The following SUGCT variants were observed in gnomAD, a reference collection of about 807,000 sequenced individuals.
SUGCT encodes succinyl-CoA:glutarate CoA-transferase.
SUGCT carries 41 observed loss-of-function variants against 55.0 expected under a neutral mutation model. That is an observed-to-expected ratio of 0.74 (90% confidence interval 0.58 to 0.97). SUGCT has a LOEUF of 0.97. Ranked by LOEUF, SUGCT falls within the 50% of genes least tolerant of loss-of-function variation. The pLI is 0.00. For missense variants in SUGCT, 568 were observed against 547.8 expected (o/e 1.04, Z -0.37); for synonymous variants, 187 against 200.4 (o/e 0.93, Z 0.56).
chr7:40,266,414 G>A (rs1791582600), intron 7 of SUGCT, among the ~76,000 whole-genome samples: 1 of 151,718 alleles, frequency 6.6e-6, no homozygotes, highest in African/African-American at 2.4e-5. Flanking sequence ...CTCCCAAAGT[G>A]CTGGGATTAC....
In SUGCT at chr7:40,596,708, G is replaced by A. The variant is rs114375679; in HGVS notation, c.1089+100322G>A. ...GGAGATCTTCTTTCAGCTAATATAT[G>A]AAGTGTTAAAGTTTACATTTGCCTC... On this transcript the variant is annotated intron_variant, in intron 12 of 13. Coordinates refer to ENST00000335693, the MANE Select transcript of SUGCT (RefSeq NM_001193313.2). 5.8e-3 allele frequency among the ~76,000 whole-genome samples: 879 copies of A among 152,248 alleles called. 12 individuals carry two copies. The highest frequency in any genetic ancestry group is 0.02 in the African/African-American group (824 of 41,536).
At chr7:40,942,521 T>C in the SUGCT span, among the ~76,000 whole-genome samples, 3 of 152,150 alleles carry the variant, frequency 2.0e-5, no homozygotes, top group Admixed American at 6.6e-5. Flanking sequence ...TTTAGATAAT[T>C]TGATGACTAT....
chr7:40,146,918 C>T (rs2150592233), intron 1 of SUGCT, among the ~76,000 whole-genome samples: 1 of 152,278 alleles, frequency 6.6e-6, no homozygotes, highest in Admixed American at 6.5e-5. Context: ...ATAGGGTACA[C>T]TGTTTTCTCT....
In SUGCT at chr7:40,245,596, C is replaced by T. The variant is rs377674948; in HGVS notation, c.576+7870C>T. Among the ~76,000 whole-genome samples, 12 of 148,326 alleles carry T rather than the reference C, an allele frequency of 8.1e-5. No homozygotes were observed. The South Asian group carries it at 1.3e-3, about 16-fold the overall frequency. ...CTGGGACTACAGGGGCCCACCACCA[C>T]GCCCGGCTAATTTTTTGTATTTTTA... On this transcript the variant is annotated intron_variant, in intron 7 of 13. Coordinates refer to ENST00000335693, the MANE Select transcript of SUGCT (RefSeq NM_001193313.2).
intron 13 of SUGCT, among the ~76,000 whole-genome samples, chr7:40,858,231 C>T (rs1181000505): frequency 2.0e-5 from 3 of 151,744 alleles, no homozygotes; most frequent in African/African-American, 4.8e-5. Flanking sequence ...TGGAGAAACC[C>T]CGTCTCTACT....
At position 40,474,135 on chromosome 7, in the gene SUGCT, ATTAT is replaced by A. The variant is rs1235479320; in HGVS notation, c.986+14941_986+14944del. On this transcript the variant is annotated intron_variant, in intron 11 of 13. Transcript: ENST00000335693. ...ACCCATGTTATGCTGAAAAATATAA[ATTAT>A]TTAAAGTAGTTTACTTAATTACTAA... is the stretch of plus-strand genomic sequence containing the variant. Among the ~76,000 whole-genome samples, 154 of 152,292 alleles carry A rather than the reference ATTAT, an allele frequency of 1.0e-3. 1 individual carries two copies. The highest frequency in any genetic ancestry group is 1.2e-4 in the Non-Finnish European group (8 of 68,032).
intron 12 of SUGCT, among the ~76,000 whole-genome samples, chr7:40,674,951 G>A (rs1017034523): frequency 2.0e-5 from 3 of 152,104 alleles, no homozygotes; most frequent in African/African-American, 4.8e-5. Flanking sequence ...TACTTAGAAG[G>A]TGGAGTAAGA....
At chr7:40,831,583 C>T (rs1480984318) in intron 13 of SUGCT, among the ~76,000 whole-genome samples, 1 of 152,150 alleles carries the variant, frequency 6.6e-6, no homozygotes, top group Non-Finnish European at 1.5e-5. Flanking sequence ...ATCCTTGAAG[C>T]CCTATATAAT....
chr7:40,836,847 G>C (rs184657377), intron 13 of SUGCT, among the ~76,000 whole-genome samples: 1 of 152,034 alleles, frequency 6.6e-6, no homozygotes, highest in East Asian at 1.9e-4. Flanking sequence ...TTGTTTAACT[G>C]TTCACCTACT....
chr7:40,487,867 A>G (rs1352114576), intron 11 of SUGCT, among the ~76,000 whole-genome samples: 1 of 152,002 alleles, frequency 6.6e-6, no homozygotes, highest in Non-Finnish European at 1.5e-5. Context: ...ATATTTTTCC[A>G]TTCCTTCACT....
At chr7:40,354,802 G>A (rs1483590892) in intron 9 of SUGCT, among the ~76,000 whole-genome samples, 1 of 152,236 alleles carries the variant, frequency 6.6e-6, no homozygotes. Flanking sequence ...AGCAGGAGAT[G>A]AGGCTGGATA....
intron 12 of SUGCT, among the ~76,000 whole-genome samples, chr7:40,688,840 A>T (rs1784571317): frequency 1.3e-5 from 2 of 152,172 alleles, no homozygotes; most frequent in African/African-American, 4.8e-5. Context: ...TAAAAGTAGC[A>T]TATTTGTAGG....
chr7:40,715,957 T>C (rs1460004455), intron 12 of SUGCT, among the ~76,000 whole-genome samples: 1 of 152,230 alleles, frequency 6.6e-6, no homozygotes, highest in Non-Finnish European at 1.5e-5. Flanking sequence ...TATTGACTTA[T>C]CTTTCTTCCT....
intron 12 of SUGCT, among the ~76,000 whole-genome samples, chr7:40,533,668 TTC>T (rs1794207898): frequency 6.6e-6 from 1 of 152,132 alleles, no homozygotes; most frequent in African/African-American, 2.4e-5. Flanking sequence ...AAAACATAAA[TTC>T]TGATCTGAAA....
At chr7:40,931,832 G>T in the SUGCT span, among the ~76,000 whole-genome samples, 24 of 152,066 alleles carry the variant, frequency 1.6e-4, no homozygotes, top group African/African-American at 5.3e-4. Flanking sequence ...TATTAGTCTT[G>T]CTAGCAGTCT....
intron 12 of SUGCT, among the ~76,000 whole-genome samples, chr7:40,695,811 G>A (rs765624560): frequency 3.3e-5 from 5 of 152,058 alleles, no homozygotes; most frequent in African/African-American, 7.2e-5. Flanking sequence ...ACTAGATGCC[G>A]GTAGGAACCC....
intron 13 of SUGCT, among the ~76,000 whole-genome samples, chr7:40,779,624 A>G (rs17439553): frequency 0.1 from 15,708 of 152,220 alleles, 835 homozygotes; most frequent in Middle Eastern, 0.18. Context: ...GAGGGTGGGC[A>G]AGGATTTGAG....
At chr7:40,550,864 A>G (rs1462166451) in intron 12 of SUGCT, among the ~76,000 whole-genome samples, 2 of 152,058 alleles carry the variant, frequency 1.3e-5, no homozygotes, top group African/African-American at 4.8e-5. Flanking sequence ...GTTCTTCAGG[A>G]TCCATTTACT....
At chr7:40,821,720 T>C (rs1792027599) in intron 13 of SUGCT, among the ~76,000 whole-genome samples, 2 of 152,208 alleles carry the variant, frequency 1.3e-5, no homozygotes, top group African/African-American at 4.8e-5. Context: ...AACCAGCTCC[T>C]GGATTCATTG....
Sources: allele counts gnomAD v4.1 joint callset (sites outside exome capture counted in the v4.1 genomes callset), GRCh38; gene constraint gnomAD v4.1.1; transcripts MANE v1.5; gene names NCBI Gene and HGNC (gene_info 2026-07-23, HGNC 2026-07-21).